HPSE2: variants seen among roughly 807,000 people sequenced by gnomAD.
HPSE2 encodes the protein inactive heparanase-2.
A neutral mutation model predicts 60.5 loss-of-function variants in HPSE2; 38 were observed. The observed-to-expected ratio is 0.63, with a 90% confidence interval of 0.48 to 0.82. The LOEUF (loss-of-function observed/expected upper bound fraction) is 0.82, where lower values mean the gene tolerates loss of function less well. Among genes scored for constraint, HPSE2 ranks in the 40% least tolerant of loss-of-function variants. HPSE2 has a pLI of 0.00. For missense variants in HPSE2, 713 were observed against 740.4 expected (o/e 0.96, Z 0.43); for synonymous variants, 295 against 293.2 (o/e 1.01, Z -0.06).
In HPSE2 at chr10:98,721,778, A is replaced by C. The variant is rs374153380; in HGVS notation, c.835T>G (p.Leu279Val). ...TTCAGCTGGATGTAATCCTTTCCCA[A>C]CTGGCTGCCATTTACTGCCCGGCCA... ...MHGRAVNGSQ[L>V]GKDYIQLKSL... Residue 279 changes from leucine to valine, a missense_variant, in exon 5 of 12, where the codon TTG becomes GTG. By Grantham distance (32) the Leu-to-Val change is conservative. Transcript: ENST00000370552. The C allele has an allele frequency of 6.2e-7, 1 of 1,613,708 alleles. No individual in the cohort carries two copies. The highest frequency in any genetic ancestry group is 1.3e-5 in the African/African-American group (1 of 74,948).
chr10:99,046,934 G>A (rs554725289), intron 3 of HPSE2, among the ~76,000 whole-genome samples: 8 of 151,970 alleles, frequency 5.3e-5, no homozygotes, highest in Admixed American at 6.6e-5. Flanking sequence ...CAAACTACCA[G>A]CATCATTCTT....
intron 7 of HPSE2, among the ~76,000 whole-genome samples, chr10:98,635,566 AGACCAGAAGTTTGAGG>A: frequency 6.6e-6 from 1 of 152,090 alleles, no homozygotes; most frequent in African/African-American, 2.4e-5. Flanking sequence ...GAGTCACTTG[AGACCAGAAGTTTGAGG>A]CCACCCTGGT....
chr10:98,944,081 C>T (rs554395685), intron 3 of HPSE2, among the ~76,000 whole-genome samples: 2 of 152,194 alleles, frequency 1.3e-5, no homozygotes, highest in East Asian at 3.9e-4. Flanking sequence ...AGAGAGGGAG[C>T]AGCTAGAGGT....
At chr10:99,297,173 C>T in the HPSE2 span, among the ~76,000 whole-genome samples, 1 of 152,184 alleles carries the variant, frequency 6.6e-6, no homozygotes, top group Admixed American at 6.5e-5. Flanking sequence ...CCCACTGCCA[C>T]AGTTGAGCCT....
intron 2 of HPSE2, among the ~76,000 whole-genome samples, chr10:99,225,464 C>G (rs1223483723): frequency 6.6e-6 from 1 of 152,082 alleles, no homozygotes; most frequent in Middle Eastern, 3.2e-3. Context: ...TACATTTACT[C>G]TACAAAAGAA....
intron 3 of HPSE2, among the ~76,000 whole-genome samples, chr10:99,074,831 G>C (rs944336048): frequency 2.6e-5 from 4 of 151,908 alleles, no homozygotes; most frequent in African/African-American, 9.7e-5. Context: ...TTTTCAATTT[G>C]TTGGCATGTA....
At chr10:98,781,364 C>G (rs1190193262) in intron 3 of HPSE2, among the ~76,000 whole-genome samples, 1 of 128,832 alleles carries the variant, frequency 7.8e-6, no homozygotes, top group Admixed American at 8.9e-5. Flanking sequence ...TGAAAAAGAA[C>G]TGAACACTGA....
chr10:98,588,069 A>G (rs771710588), intron 9 of HPSE2, among the ~76,000 whole-genome samples: 4 of 152,362 alleles, frequency 2.6e-5, no homozygotes, highest in Non-Finnish European at 4.4e-5. Context: ...AAAAAGGTCA[A>G]TATCCAGCTT....
At chr10:98,484,587 G>A (rs918550664) in intron 10 of HPSE2, among the ~76,000 whole-genome samples, 1 of 152,190 alleles carries the variant, frequency 6.6e-6, no homozygotes, top group Non-Finnish European at 1.5e-5. Flanking sequence ...TTAAAGAGCA[G>A]TCTTTTGTCT....
intron 9 of HPSE2, among the ~76,000 whole-genome samples, chr10:98,589,864 A>C (rs1389914192): frequency 6.6e-6 from 1 of 152,142 alleles, no homozygotes; most frequent in Non-Finnish European, 1.5e-5. Context: ...TTGAATCCTC[A>C]TCTTTGACTC....
At chr10:98,680,536 C>T (rs1947757378) in intron 6 of HPSE2, among the ~76,000 whole-genome samples, 1 of 152,104 alleles carries the variant, frequency 6.6e-6, no homozygotes, top group Non-Finnish European at 1.5e-5. Flanking sequence ...TCAAACTGTA[C>T]TGGTGGTCAT....
chr10:98,940,294 G>A lies in HPSE2; in HGVS notation c.611-196238C>T, dbSNP rs1159513850. ...CTTCAAAAAATTAATGAATCCAGGA[G>A]CTGGTTTTTTGAAAGGATCAACAAA... On this transcript the variant is annotated intron_variant, in intron 3 of 11. Transcript: ENST00000370552. Among the ~76,000 whole-genome samples, 15 of 143,944 alleles carry A rather than the reference G, an allele frequency of 1.0e-4. No homozygotes were observed. The South Asian group carries it at 3.0e-3, about 28-fold the overall frequency. 94.4% of individuals were successfully genotyped at this position (143,944 alleles called of 152,430 possible).
At chr10:99,305,959 A>ACATACGCGTGCACGCGCGCG in the HPSE2 span, among the ~76,000 whole-genome samples, 2 of 29,678 alleles carry the variant, frequency 6.7e-5, no homozygotes, top group African/African-American at 2.8e-4. Flanking sequence ...AAACTCACAC[A>ACATACGCGTGCACGCGCGCG]CACGCGCGCG....
intron 11 of HPSE2, chr10:98,461,601 G>A: frequency 1.7e-6 from 1 of 575,238 alleles, no homozygotes; most frequent in Non-Finnish European, 3.1e-6. Flanking sequence ...TGTTTCAGGT[G>A]CTATGAATAT....
At chr10:98,857,807 G>A (rs940619078) in intron 3 of HPSE2, among the ~76,000 whole-genome samples, 3 of 152,090 alleles carry the variant, frequency 2.0e-5, no homozygotes, top group African/African-American at 7.2e-5. Flanking sequence ...GGAATACAGA[G>A]TAGAATATTT....
At chr10:99,263,148 T>G in the HPSE2 span, among the ~76,000 whole-genome samples, 1 of 152,172 alleles carries the variant, frequency 6.6e-6, no homozygotes, top group Admixed American at 6.5e-5. Flanking sequence ...TTCCCCATAT[T>G]TCCTTCTTTC....
intron 3 of HPSE2, among the ~76,000 whole-genome samples, chr10:98,943,331 G>C (rs112192244): frequency 1.3e-5 from 2 of 151,838 alleles, no homozygotes; most frequent in Non-Finnish European, 1.5e-5. Flanking sequence ...TGGGAGACTT[G>C]TATTGAGTAT....
chr10:98,793,129 T>C (rs1443922489), intron 3 of HPSE2, among the ~76,000 whole-genome samples: 1 of 152,212 alleles, frequency 6.6e-6, no homozygotes, highest in Non-Finnish European at 1.5e-5. Flanking sequence ...ATTGCTCTGT[T>C]AAACAGTCAA....
chr10:98,635,426 C>A (rs552421818), intron 7 of HPSE2, among the ~76,000 whole-genome samples: 103 of 152,296 alleles, frequency 6.8e-4, no homozygotes, highest in African/African-American at 2.2e-3. Flanking sequence ...TACCTGCACT[C>A]TCATGCTCAC....
Sources: gnomAD v4.1 joint callset for allele counts (sites outside exome capture counted in the v4.1 genomes callset) on GRCh38, gnomAD v4.1.1 for gene constraint, MANE v1.5 for transcripts, NCBI Gene and HGNC (gene_info 2026-07-23, HGNC 2026-07-21) for gene names.